The following PRELID2 variants were observed in gnomAD, a reference collection of about 807,000 sequenced individuals.
PRELID2 encodes the protein PRELI domain containing 2.
A neutral mutation model predicts 28.4 loss-of-function variants in PRELID2; 25 were observed. The ratio of observed to expected loss-of-function variants is 0.88; its 90% CI spans 0.64 to 1.23. The LOEUF (loss-of-function observed/expected upper bound fraction) is 1.23, where lower values mean the gene tolerates loss of function less well. PRELID2 is among the 50% of genes most tolerant of loss of function. The pLI is 0.00. For missense variants in PRELID2, 201 were observed against 214.4 expected (o/e 0.94, Z 0.39); for synonymous variants, 76 against 71.6 (o/e 1.06, Z -0.31).
At chr5:145,615,580 C>T (rs1753686860) in intron 1 of PRELID2, among the ~76,000 whole-genome samples, 1 of 116,882 alleles carries the variant, frequency 8.6e-6, no homozygotes. Flanking sequence ...CCCGCCTCGG[C>T]CTCCCAAAGT....
chr5:145,724,750 T>TTATA (rs111822513), intron 1 of PRELID2, among the ~76,000 whole-genome samples: 27 of 141,840 alleles, frequency 1.9e-4, no homozygotes, highest in African/African-American at 4.4e-4. Flanking sequence ...ATATTATATA[T>TTATA]TATATATATA....
the PRELID2 span, among the ~76,000 whole-genome samples, chr5:145,328,475 A>G: frequency 7.2e-5 from 11 of 152,196 alleles, no homozygotes; most frequent in Middle Eastern, 6.8e-3. Context: ...ATGATTGCCA[A>G]TCTGACTGGC....
At position 145,825,225 on chromosome 5, in the gene PRELID2, C is replaced by CAAAA. The variant is rs56818178; in HGVS notation, c.76-2095_76-2092dup. The stretch of plus-strand genomic sequence containing the variant: ...TCGGTGATAGAGTGAGACTCTGTCT[C>CAAAA]AAAAAAAAAAAAAAAAAAAAAAAAA... On this transcript the variant is annotated intron_variant, in intron 1 of 6. Coordinates refer to ENST00000683046, the MANE Select transcript of PRELID2 (RefSeq NM_205846.3). Among the ~76,000 whole-genome samples, 257 of 60,394 alleles carry CAAAA rather than the reference C, an allele frequency of 4.3e-3. 39 individuals are homozygous for CAAAA. The highest frequency in any genetic ancestry group is 5.7e-3 in the Non-Finnish European group (182 of 31,954). 39.6% of individuals were successfully genotyped at this position (60,394 alleles called of 152,430 possible). A position where few individuals can be genotyped will look rare whatever the true frequency, so the allele number is the denominator to read the frequency against.
chr5:145,570,963 G>A (rs576214636), intron 1 of PRELID2, among the ~76,000 whole-genome samples: 3 of 152,240 alleles, frequency 2.0e-5, no homozygotes, highest in Admixed American at 6.5e-5. Flanking sequence ...CTTGCTTACC[G>A]TAATCCAGCC....
intron 1 of PRELID2, among the ~76,000 whole-genome samples, chr5:145,573,087 C>G (rs1385845208): frequency 1.3e-5 from 2 of 152,088 alleles, no homozygotes; most frequent in African/African-American, 4.8e-5. Flanking sequence ...CTCTACTTAA[C>G]CCAAGGAAAG....
the PRELID2 span, among the ~76,000 whole-genome samples, chr5:145,414,580 A>G: frequency 6.6e-6 from 1 of 152,218 alleles, no homozygotes; most frequent in Non-Finnish European, 1.5e-5. Flanking sequence ...TGTTTAAGTA[A>G]CTAGAAGAGT....
chr5:145,412,665 G>A, the PRELID2 span, among the ~76,000 whole-genome samples: 3 of 152,206 alleles, frequency 2.0e-5, no homozygotes, highest in Admixed American at 2.0e-4. Context: ...TTCTAAAACT[G>A]TTTACACATT....
At chr5:145,255,355 A>G in the PRELID2 span, among the ~76,000 whole-genome samples, 1 of 152,108 alleles carries the variant, frequency 6.6e-6, no homozygotes, top group Non-Finnish European at 1.5e-5. Context: ...AAACTATAGT[A>G]AAAAGAAATA....
At chr5:145,500,985 C>A (rs1752355767) in intron 1 of PRELID2, among the ~76,000 whole-genome samples, 1 of 152,124 alleles carries the variant, frequency 6.6e-6, no homozygotes, top group Admixed American at 6.6e-5. Context: ...GAGGACCTGG[C>A]CTCCTGGAAG....
the PRELID2 span, among the ~76,000 whole-genome samples, chr5:145,408,029 C>T: frequency 6.6e-6 from 1 of 152,006 alleles, no homozygotes; most frequent in Non-Finnish European, 1.5e-5. Context: ...TACTGGGTGG[C>T]TAGACCCAGA....
the PRELID2 span, among the ~76,000 whole-genome samples, chr5:145,404,295 T>G: frequency 4.6e-5 from 7 of 152,190 alleles, no homozygotes; most frequent in Non-Finnish European, 7.4e-5. Flanking sequence ...GCACCTCCAT[T>G]AGCTCATGCA....
intron 1 of PRELID2, among the ~76,000 whole-genome samples, chr5:145,646,920 C>T (rs955661487): frequency 2.0e-5 from 3 of 152,136 alleles, no homozygotes; most frequent in Admixed American, 2.0e-4. Flanking sequence ...CTGCCAGATG[C>T]CGGCCAGAGC....
chr5:145,405,702 G>GTT, the PRELID2 span, among the ~76,000 whole-genome samples: 220 of 54,570 alleles, frequency 4.0e-3, 1 homozygote, highest in African/African-American at 8.9e-3. Flanking sequence ...CCACATAGTT[G>GTT]TTTTTTTTTT....
At chr5:145,775,522 T>G (rs948967495) in intron 5 of PRELID2, among the ~76,000 whole-genome samples, 1 of 152,234 alleles carries the variant, frequency 6.6e-6, no homozygotes, top group Non-Finnish European at 1.5e-5. Flanking sequence ...AAATGAATTT[T>G]GTTTTGAGCT....
At chr5:145,418,771 C>T in the PRELID2 span, among the ~76,000 whole-genome samples, 9 of 151,906 alleles carry the variant, frequency 5.9e-5, no homozygotes, top group East Asian at 1.5e-3. Flanking sequence ...GGTACATGTG[C>T]ACATTGTGCA....
the PRELID2 span, among the ~76,000 whole-genome samples, chr5:145,237,505 A>G: frequency 1.3e-5 from 2 of 152,062 alleles, no homozygotes; most frequent in South Asian, 2.1e-4. Context: ...AACAGGGAAA[A>G]TTGGCATAAT....
the PRELID2 span, among the ~76,000 whole-genome samples, chr5:145,240,907 C>T: frequency 7.2e-5 from 11 of 151,886 alleles, no homozygotes; most frequent in East Asian, 3.9e-4. Flanking sequence ...GTAATGATTT[C>T]GAAGCTGGTT....
At chr5:145,546,292 A>G (rs558818426) in intron 1 of PRELID2, among the ~76,000 whole-genome samples, 211 of 152,332 alleles carry the variant, frequency 1.4e-3, no homozygotes, top group Non-Finnish European at 2.7e-3. Flanking sequence ...AATCATTTTA[A>G]TACTCAATAT....
intron 1 of PRELID2, among the ~76,000 whole-genome samples, chr5:145,560,512 C>G (rs1241820827): frequency 1.3e-5 from 2 of 152,040 alleles, no homozygotes; most frequent in African/African-American, 4.8e-5. Context: ...TGCTGCTGAC[C>G]CACTATTACC....
Sources: gnomAD v4.1 joint callset for allele counts (sites outside exome capture counted in the v4.1 genomes callset) on GRCh38, gnomAD v4.1.1 for gene constraint, MANE v1.5 for transcripts, NCBI Gene and HGNC (gene_info 2026-07-23, HGNC 2026-07-21) for gene names.